The following SNX9 variants were observed in gnomAD, a reference collection of about 807,000 sequenced individuals.
The protein encoded by SNX9 is sorting nexin-9.
In SNX9, 44 loss-of-function variants were observed where a neutral mutation model predicts 89.4. The ratio of observed to expected loss-of-function variants is 0.49; its 90% CI spans 0.39 to 0.63. SNX9 has a LOEUF of 0.63. Among genes scored for constraint, SNX9 ranks in the 30% least tolerant of loss-of-function variants. The probability of loss-of-function intolerance (pLI) is 0.00; values close to 1 mark genes in which losing one functional copy is unlikely to be tolerated. For missense variants in SNX9, 578 were observed against 736.1 expected, an observed-to-expected ratio of 0.79 and a Z score of 2.49; for synonymous variants, 236 against 247.8, an observed-to-expected ratio of 0.95 and a Z score of 0.45.
Position 157,875,057 on chromosome 6 carries a change from C to T in SNX9, c.181C>T (p.Pro61Ser), listed in dbSNP as rs1782489968. 1 of 1,613,606 alleles carries T rather than the reference C, an allele frequency of 6.2e-7. No individual in the cohort carries two copies. The highest frequency in any genetic ancestry group is 1.1e-5 in the South Asian group (1 of 90,956). ...GGCTCTTTCTCCTATTCAGATTTTA[C>T]CCAGTGATGGAAAAGATCAATTTTC... The part of the protein sequence containing the change: ...LVPTDYVEIL[P>S]SDGKDQFSCG... Residue 61 changes from proline to serine, a missense_variant, in exon 4 of 18, where the codon CCC becomes TCC. Transcript: ENST00000392185.
At chr6:157,824,971 C>T (rs1225164636) in intron 1 of SNX9, among the ~76,000 whole-genome samples, 1 of 152,136 alleles carries the variant, frequency 6.6e-6, no homozygotes, top group African/African-American at 2.4e-5. Context: ...AGGCCGGGCG[C>T]GGTGGCTCAC....
intron 9 of SNX9, among the ~76,000 whole-genome samples, chr6:157,917,213 C>G (rs757693622): frequency 6.6e-5 from 10 of 151,118 alleles, no homozygotes; most frequent in Non-Finnish European, 1.2e-4. Flanking sequence ...GATGTTAGGT[C>G]TACTCCTTCA....
chr6:157,840,536 C>G (rs1003890716), intron 1 of SNX9, among the ~76,000 whole-genome samples: 3 of 146,732 alleles, frequency 2.0e-5, no homozygotes, highest in African/African-American at 7.6e-5. Flanking sequence ...TTGAGCTTGC[C>G]TTTATTACCC....
At chr6:157,928,523 T>C in intron 11 of SNX9, 76 bp from the exon 12 acceptor site, 1 of 1,112,480 alleles carries the variant, frequency 9.0e-7, no homozygotes, top group Non-Finnish European at 1.3e-6. Context: ...GTGTCTGTGG[T>C]TATATTTGGC....
intron 4 of SNX9, among the ~76,000 whole-genome samples, chr6:157,878,735 A>T (rs1782567415): frequency 6.6e-6 from 1 of 152,200 alleles, no homozygotes; most frequent in Admixed American, 6.5e-5. Flanking sequence ...CTGACAGCAC[A>T]AAGTCTAGTG....
intron 3 of SNX9, among the ~76,000 whole-genome samples, chr6:157,873,664 A>G (rs1031981235): frequency 6.6e-6 from 1 of 150,430 alleles, no homozygotes; most frequent in African/African-American, 2.4e-5. Flanking sequence ...TATGACACAT[A>G]TAACGTATTT....
chr6:157,853,543 CCAT>C (rs1023711939), intron 1 of SNX9, among the ~76,000 whole-genome samples: 1 of 152,118 alleles, frequency 6.6e-6, no homozygotes, highest in African/African-American at 2.4e-5. Context: ...GTCTTCCCCT[CCAT>C]CATTCTGGGA....
At chr6:157,839,701 A>G (rs1388378034) in intron 1 of SNX9, among the ~76,000 whole-genome samples, 1 of 152,210 alleles carries the variant, frequency 6.6e-6, no homozygotes, top group Non-Finnish European at 1.5e-5. Flanking sequence ...AGGGTGAAGC[A>G]TAATTTGAGG....
chr6:157,925,768 G>A (rs1211351380), intron 10 of SNX9, among the ~76,000 whole-genome samples: 2 of 152,072 alleles, frequency 1.3e-5, no homozygotes, highest in South Asian at 4.1e-4. Flanking sequence ...GCATGCATGC[G>A]TAGGTGGTAA....
At chr6:157,890,699 T>C (rs1459219296) in intron 4 of SNX9, among the ~76,000 whole-genome samples, 1 of 152,236 alleles carries the variant, frequency 6.6e-6, no homozygotes, top group Non-Finnish European at 1.5e-5. Flanking sequence ...CAGCAGGAGA[T>C]GGCAGGTTAC....
rs1784080744 is a variant in SNX9 at position 157,943,300 on chromosome 6, ATTT to A, written c.*465_*467del. 1 of 152,588 alleles carries A rather than the reference ATTT, an allele frequency of 6.6e-6. No individual in the cohort carries two copies. Among genetic ancestry groups the A allele is most frequent in the Non-Finnish European group, 1.5e-5 (1 of 68,296 alleles). The allele number at this position is 152,588 out of a possible 1,614,324, so 9.5% of individuals were successfully genotyped here. ...GAATAAAAAATATCTATGTTTGTAT[ATTT>A]TTATAACTCCTTTCAGTCCTCTGGG... On this transcript the variant is annotated 3_prime_UTR_variant, in exon 18 of 18. Transcript: ENST00000392185.
At chr6:157,862,009 A>G (rs746723147) in intron 1 of SNX9, among the ~76,000 whole-genome samples, 7 of 152,202 alleles carry the variant, frequency 4.6e-5, no homozygotes, top group Non-Finnish European at 8.8e-5. Flanking sequence ...CAAAGGGATG[A>G]TTCATGTCCT....
chr6:157,842,043 A>G (rs1781713941), intron 1 of SNX9, among the ~76,000 whole-genome samples: 1 of 152,090 alleles, frequency 6.6e-6, no homozygotes, highest in Non-Finnish European at 1.5e-5. Context: ...TCGTTTCATG[A>G]TAAGTATTTT....
intron 1 of SNX9, among the ~76,000 whole-genome samples, chr6:157,848,003 A>G (rs1781836473): frequency 6.6e-6 from 1 of 152,040 alleles, no homozygotes; most frequent in Non-Finnish European, 1.5e-5. Flanking sequence ...CCTCACTGGC[A>G]AGACCCCTCC....
Position 157,836,265 on chromosome 6 carries a change from C to T in SNX9, c.12+12819C>T, listed in dbSNP as rs142644544. 4.7e-3 allele frequency among the ~76,000 whole-genome samples: 721 copies of T among 152,090 alleles called. 6 individuals carry two copies. Among genetic ancestry groups the T allele is most frequent in the African/African-American group, 0.016 (647 of 41,454 alleles). On this transcript the variant is annotated intron_variant, in intron 1 of 17. Coordinates refer to ENST00000392185, the MANE Select transcript of SNX9 (RefSeq NM_016224.5). ...TTGATAAGTGGAAACATCTTGTGCA[C>T]GTTCTGGAGTTTTCATTATGAAAGT...
chr6:157,886,127 A>G lies in SNX9; in HGVS notation c.301-10700A>G, dbSNP rs1352665085. Among the ~76,000 whole-genome samples the G allele has an allele frequency of 3.9e-5, 6 of 152,228 alleles. No homozygotes were observed. The South Asian group carries it at 1.0e-3, about 26-fold the overall frequency. ...CAGTGAGAACTCTTCCTCTTGGGCC[A>G]TGTCTTAGCTGCTTACTAGGAAACC... On this transcript the variant is annotated intron_variant, in intron 4 of 17. Transcript: ENST00000392185.
intron 4 of SNX9, among the ~76,000 whole-genome samples, chr6:157,882,337 C>T (rs573526413): frequency 1.3e-5 from 2 of 152,312 alleles, no homozygotes; most frequent in Non-Finnish European, 2.9e-5. Context: ...ATTGACAATG[C>T]CCCTGGTCAC....
intron 4 of SNX9, among the ~76,000 whole-genome samples, chr6:157,891,723 T>C (rs1484856926): frequency 2.6e-5 from 4 of 152,170 alleles, no homozygotes; most frequent in African/African-American, 7.2e-5. Context: ...AGGAGGCGGC[T>C]GGATGTCAGC....
intron 14 of SNX9, among the ~76,000 whole-genome samples, chr6:157,936,307 C>CT (rs1435199532): frequency 6.6e-6 from 1 of 152,180 alleles, no homozygotes; most frequent in African/African-American, 2.4e-5. Context: ...GGGTGAATCT[C>CT]TTGAGTCCAG....
Sources: gnomAD v4.1 joint callset for allele counts (sites outside exome capture counted in the v4.1 genomes callset) on GRCh38, gnomAD v4.1.1 for gene constraint, MANE v1.5 for transcripts, NCBI Gene and HGNC (gene_info 2026-07-23, HGNC 2026-07-21) for gene names.